The following ATG3 variants were observed in gnomAD, a reference collection of about 807,000 sequenced individuals.
The protein encoded by ATG3 is ubiquitin-like-conjugating enzyme ATG3.
In ATG3, 25 loss-of-function variants were observed where a neutral mutation model predicts 50.7. The observed-to-expected ratio is 0.49, with a 90% CI of 0.36 to 0.69. ATG3 has a LOEUF of 0.69. ATG3 is among the 30% of genes least tolerant of loss of function. The pLI is 0.00. For synonymous variants in ATG3, 119 were observed against 125.5 expected, an observed-to-expected ratio of 0.95 and a Z score of 0.34; for missense variants, 281 against 376.0, an observed-to-expected ratio of 0.75 and a Z score of 2.09.
In ATG3 at chr3:112,560,453, T is replaced by C. The variant is rs3755745; in HGVS notation, c.72+1004A>G. Among the ~76,000 whole-genome samples, 17 of 152,318 alleles carry C rather than the reference T, an allele frequency of 1.1e-4. No individual in the cohort carries two copies. In the East Asian group the frequency reaches 2.9e-3, roughly 26 times the overall value. On this transcript the variant is annotated intron_variant, in intron 1 of 11. Transcript: ENST00000283290. The stretch of plus-strand genomic sequence containing the variant: ...TTACAAAAACGTATTTTAAAAAGTA[T>C]AGACCTAGTACTTCCCTTTGTCATG...
At chr3:112,549,315 A>G (rs1416138859) in intron 4 of ATG3, among the ~76,000 whole-genome samples, 1 of 149,934 alleles carries the variant, frequency 6.7e-6, no homozygotes, top group African/African-American at 2.5e-5. Flanking sequence ...TGATTTTTTT[A>G]AAACAATCAG....
Position 112,557,180 on chromosome 3 carries a change from C to T in ATG3, c.114+1196G>A, listed in dbSNP as rs373176601. Among the ~76,000 whole-genome samples, 7 of 133,826 alleles carry T rather than the reference C, an allele frequency of 5.2e-5. No homozygotes were observed. In the East Asian group the frequency reaches 1.1e-3, roughly 21 times the overall value. 87.8% of individuals were successfully genotyped at this position (133,826 alleles called of 152,430 possible). A position where few individuals can be genotyped will look rare whatever the true frequency, so the allele number is the denominator to read the frequency against. ...TCAGACGGAGTCTCGTTCTGTCGCC[C>T]AGGCTGGACTACAGGCGCCCACCAT... On this transcript the variant is annotated intron_variant, in intron 2 of 11. Coordinates refer to ENST00000283290, the MANE Select transcript of ATG3 (RefSeq NM_022488.5).
intron 5 of ATG3, among the ~76,000 whole-genome samples, chr3:112,544,655 A>G (rs1276924589): frequency 6.9e-6 from 1 of 144,404 alleles, no homozygotes; most frequent in African/African-American, 2.7e-5. Flanking sequence ...ACTCCGTCTC[A>G]GGGAAAAAAA....
chr3:112,534,421 C>A, intron 10 of ATG3, 84 bp from the exon 11 acceptor site: 3 of 1,139,880 alleles, frequency 2.6e-6, no homozygotes, highest in South Asian at 2.0e-5. Context: ...GTAAAGAAAT[C>A]GACCCTATTA....
intron 5 of ATG3, among the ~76,000 whole-genome samples, chr3:112,545,260 C>T (rs748296628): frequency 6.6e-6 from 1 of 152,162 alleles, no homozygotes; most frequent in African/African-American, 2.4e-5. Flanking sequence ...GGGCAAATAC[C>T]TCAAAACCTA....
Position 112,533,447 on chromosome 3 carries a change from TG to T in ATG3, c.864-668del, listed in dbSNP as rs560520479. 6 of 985,332 alleles carry T rather than the reference TG, an allele frequency of 6.1e-6. No individual in the cohort carries two copies. In the South Asian group the frequency reaches 2.3e-4, roughly 39 times the overall value. The allele number at this position is 985,332 out of a possible 1,614,324, so 61.0% of individuals were successfully genotyped here. A position where few individuals can be genotyped will look rare whatever the true frequency, so the allele number is the denominator to read the frequency against. Reference sequence around the variant, plus strand: ...CTTCAGGAGTAAATATGGTTTGGACTGGAAGTTTTTGGTTTGTTTCAATATC... The same window carrying T: ...CTTCAGGAGTAAATATGGTTTGGACTGAAGTTTTTGGTTTGTTTCAATATC... On this transcript the variant is annotated intron_variant, in intron 11 of 11. Transcript: ENST00000283290.
At chr3:112,543,976 A>T in intron 6 of ATG3, 81 bp downstream of exon 6, 3 of 969,178 alleles carry the variant, frequency 3.1e-6, no homozygotes, top group Non-Finnish European at 3.1e-6. Flanking sequence ...AGATATGGTG[A>T]TTATATATGT....
chr3:112,541,607 TG>T (rs1335982257), intron 7 of ATG3, among the ~76,000 whole-genome samples, 195 bp downstream of exon 7: 3 of 152,228 alleles, frequency 2.0e-5, no homozygotes, highest in African/African-American at 7.2e-5. Context: ...AGACTATGTT[TG>T]GAGTAAAATA....
rs147964156 is a variant in ATG3 at position 112,559,458 on chromosome 3, G to C, written c.73-1041C>G. ...AAATTTATTCTTGCCCTCATAAGGA[G>C]TTTCAACTCCAGTTGAGGAAGAAAA... On this transcript the variant is annotated intron_variant, in intron 1 of 11. Coordinates refer to ENST00000283290, the MANE Select transcript of ATG3 (RefSeq NM_022488.5). 4.5e-3 allele frequency among the ~76,000 whole-genome samples: 678 copies of C among 152,332 alleles called. 4 individuals are homozygous for C. The highest frequency in any genetic ancestry group is 6.4e-3 in the Admixed American group (98 of 15,304).
chr3:112,533,637 A>G, intron 11 of ATG3: 2 of 985,330 alleles, frequency 2.0e-6, no homozygotes, highest in Non-Finnish European at 2.4e-6. Context: ...GCTATCTGGC[A>G]TGTAAATCAT....
At chr3:112,553,433 C>T (rs940256024) in intron 2 of ATG3, 104 bp from the exon 3 acceptor site, 12 of 898,784 alleles carry the variant, frequency 1.3e-5, no homozygotes, top group Admixed American at 1.3e-4. Flanking sequence ...CTAGGTAACA[C>T]TGAAATCCAG....
chr3:112,546,025 C>T (rs58891772), intron 5 of ATG3, among the ~76,000 whole-genome samples: 10,226 of 152,178 alleles, frequency 0.067, 429 homozygotes, highest in Admixed American at 0.12. Context: ...GCCTCCAGAA[C>T]GCTTTAGGAC....
intron 3 of ATG3, 57 bp downstream of exon 3, chr3:112,553,223 A>G (rs541983311): frequency 4.9e-5 from 72 of 1,469,606 alleles, no homozygotes; most frequent in South Asian, 4.9e-4. Context: ...GCAAATTGCT[A>G]TAATTCTGAA....
At chr3:112,555,104 T>C (rs945560400) in intron 2 of ATG3, among the ~76,000 whole-genome samples, 1 of 152,214 alleles carries the variant, frequency 6.6e-6, no homozygotes. Flanking sequence ...AATTCTTTCA[T>C]TGTATTGCCT....
intron 2 of ATG3, among the ~76,000 whole-genome samples, chr3:112,555,972 T>C (rs1235599361): frequency 1.3e-5 from 2 of 152,208 alleles, no homozygotes; most frequent in African/African-American, 2.4e-5. Flanking sequence ...ATTCAACAAT[T>C]AGTCATCTTC....
At position 112,561,855 on chromosome 3, in the gene ATG3, T is replaced by A; in HGVS notation, c.-327A>T. The A allele has an allele frequency of 2.8e-6, 1 of 351,666 alleles. No individual in the cohort carries two copies. Among genetic ancestry groups the A allele is most frequent in the Non-Finnish European group, 5.2e-6 (1 of 192,562 alleles). 21.8% of individuals were successfully genotyped at this position (351,666 alleles called of 1,614,324 possible). A position where few individuals can be genotyped will look rare whatever the true frequency, so the allele number is the denominator to read the frequency against. ...GCGGACGCACACGCACCCCTCGCCC[T>A]CTGCGAGCTGTCTGTCCTCGCTTTG... On this transcript the variant is annotated 5_prime_UTR_variant, in exon 1 of 12. Transcript: ENST00000283290.
rs11547151 is a variant in ATG3, at chr3:112,561,549, C to G, written c.-21G>C. On this transcript the variant is annotated 5_prime_UTR_variant, in exon 1 of 12. Transcript: ENST00000283290. ...TGCATCCTGGGGCCGGAGTAGCGGC[C>G]GGCCCCGCGACGGGATGGAAAGTGC... is the stretch of plus-strand genomic sequence containing the variant. 2.5e-6 allele frequency: 4 copies of G among 1,583,706 alleles called. No homozygotes were observed. Among genetic ancestry groups the G allele is most frequent in the Admixed American group, 3.4e-5 (2 of 57,998 alleles).
At chr3:112,533,087 C>G in intron 11 of ATG3, 1 of 1,013,060 alleles carries the variant, frequency 9.9e-7, no homozygotes, top group Non-Finnish European at 1.2e-6. Flanking sequence ...ACAAAATGTA[C>G]TCATTTACTA....
At chr3:112,552,631 A>C (rs1354665085) in intron 3 of ATG3, among the ~76,000 whole-genome samples, 1 of 150,888 alleles carries the variant, frequency 6.6e-6, no homozygotes, top group Admixed American at 6.6e-5. Context: ...AATTTAAAAA[A>C]AAAAAACCTG....
Sources: allele counts gnomAD v4.1 joint callset (sites outside exome capture counted in the v4.1 genomes callset), GRCh38; gene constraint gnomAD v4.1.1; transcripts MANE v1.5; gene names NCBI Gene and HGNC (gene_info 2026-07-23, HGNC 2026-07-21).